Variants in A1CF observed in about 807,000 individuals in gnomAD.
A1CF encodes APOBEC-1 stimulating protein.
Under a neutral mutation model 68.9 loss-of-function variants are expected in A1CF, and 48 were observed. The observed-to-expected ratio is 0.70, with a 90% CI of 0.55 to 0.89. The LOEUF (loss-of-function observed/expected upper bound fraction) is 0.89, where lower values mean the gene tolerates loss of function less well. Ranked by LOEUF, A1CF falls within the 40% of genes least tolerant of loss-of-function variation. The pLI is 0.00. For synonymous variants in A1CF, 272 were observed against 260.4 expected (o/e 1.04, Z -0.43); for missense variants, 653 against 718.9 (o/e 0.91, Z 1.05).
At chr10:50,814,173 G>C in intron 9 of A1CF, 135 bp from the exon 10 acceptor site, 1 of 862,928 alleles carries the variant, frequency 1.2e-6, no homozygotes, top group Non-Finnish European at 1.8e-6. Flanking sequence ...CCTGAAGATG[G>C]GTGGGAGACT....
intron 7 of A1CF, among the ~76,000 whole-genome samples, chr10:50,825,174 G>A (rs1838857987): frequency 6.6e-6 from 1 of 152,140 alleles, no homozygotes; most frequent in African/African-American, 2.4e-5. Flanking sequence ...GGAAACAGAC[G>A]ATGTGAGTAT....
At chr10:50,815,426 GAAA>G (rs1838317594) in intron 9 of A1CF, among the ~76,000 whole-genome samples, 1 of 152,080 alleles carries the variant, frequency 6.6e-6, no homozygotes, top group South Asian at 2.1e-4. Context: ...ATGTATTAAA[GAAA>G]TATAGTAATG....
chr10:50,849,142 A>G (rs540505761), intron 3 of A1CF, among the ~76,000 whole-genome samples: 192 of 152,234 alleles, frequency 1.3e-3, no homozygotes, highest in African/African-American at 4.5e-3. Context: ...ATCCTCTTCA[A>G]TGTGATTTTA....
chr10:50,805,382 A>G lies in A1CF; in HGVS notation c.*1347T>C, dbSNP rs1837771647. 1 of 152,246 alleles carries G rather than the reference A, an allele frequency of 6.6e-6. No individual in the cohort carries two copies. The highest frequency in any genetic ancestry group is 1.5e-5 in the Non-Finnish European group (1 of 68,050). 9.4% of individuals were successfully genotyped at this position (152,246 alleles called of 1,614,324 possible). ...TGTTTGAACAAAGCAATCATTTACAAGTATGGCAAGAAAGTAGTGCCTTCT... is the reference window on the plus strand; with the variant it reads ...TGTTTGAACAAAGCAATCATTTACAGGTATGGCAAGAAAGTAGTGCCTTCT... On this transcript the variant is annotated 3_prime_UTR_variant, in exon 13 of 13. Transcript: ENST00000373997.
At chr10:50,829,948 T>A (rs531391125) in intron 6 of A1CF, among the ~76,000 whole-genome samples, 1 of 152,228 alleles carries the variant, frequency 6.6e-6, no homozygotes, top group Non-Finnish European at 1.5e-5. Flanking sequence ...TTGCATCTAT[T>A]TGTGGTATAC....
chr10:50,845,615 T>TCCCTTTGATA (rs1839962514), intron 3 of A1CF, among the ~76,000 whole-genome samples: 1 of 152,154 alleles, frequency 6.6e-6, no homozygotes. Context: ...TGCATTTTGC[T>TCCCTTTGATA]CCTTTGATAC....
chr10:50,814,120 T>C, intron 9 of A1CF, 82 bp from the exon 10 acceptor site: 3 of 1,520,428 alleles, frequency 2.0e-6, no homozygotes, highest in Non-Finnish European at 2.7e-6. Context: ...ACCCTGAATC[T>C]TACTGTAATG....
chr10:50,874,930 C>T (rs1341743442), intron 1 of A1CF, among the ~76,000 whole-genome samples: 1 of 152,176 alleles, frequency 6.6e-6, no homozygotes, highest in Non-Finnish European at 1.5e-5. Context: ...GATTCTGATT[C>T]AGCTGGTTTG....
rs7094591 is a variant in A1CF at position 50,829,247 on chromosome 10, G to T, written c.605-952C>A. ...TTGTTTTGTTTTGTTTTGTTTTTTG[G>T]TGACTCTGCTCCTATACCCCTACGC... On this transcript the variant is annotated intron_variant, in intron 6 of 12. Coordinates refer to ENST00000373997, the MANE Select transcript of A1CF (RefSeq NM_014576.4). 7.5e-3 allele frequency among the ~76,000 whole-genome samples: 1,131 copies of T among 151,712 alleles called. 22 individuals are homozygous for T. The highest frequency in any genetic ancestry group is 0.026 in the African/African-American group (1,075 of 41,452).
intron 10 of A1CF, among the ~76,000 whole-genome samples, chr10:50,813,155 A>G (rs915890267): frequency 7.9e-5 from 12 of 152,226 alleles, no homozygotes; most frequent in South Asian, 4.1e-4. Flanking sequence ...ACACTCCCAC[A>G]GGGAACAGTC....
At chr10:50,864,274 C>T (rs907821232) in intron 1 of A1CF, among the ~76,000 whole-genome samples, 194 bp from the exon 2 acceptor site, 1 of 152,128 alleles carries the variant, frequency 6.6e-6, no homozygotes, top group Non-Finnish European at 1.5e-5. Flanking sequence ...GAGAAAACAC[C>T]TGTGAAGCAT....
intron 1 of A1CF, among the ~76,000 whole-genome samples, chr10:50,871,028 TACCC>T (rs1207734777): frequency 1.3e-5 from 2 of 151,734 alleles, no homozygotes; most frequent in African/African-American, 4.8e-5. Context: ...TGAAAGTTAA[TACCC>T]AGTATTGGTT....
chr10:50,883,476 TAA>T (rs2132641831), intron 1 of A1CF, among the ~76,000 whole-genome samples: 1 of 152,326 alleles, frequency 6.6e-6, no homozygotes, highest in Admixed American at 6.5e-5. Flanking sequence ...TAATTAATTT[TAA>T]AAGTTTCTCA....
chr10:50,870,494 A>C (rs1046593633), intron 1 of A1CF, among the ~76,000 whole-genome samples: 3 of 151,910 alleles, frequency 2.0e-5, no homozygotes, highest in African/African-American at 7.2e-5. Flanking sequence ...ATAGACTTTT[A>C]AAAAAGAGAA....
rs1840667801 is a variant in A1CF, at chr10:50,859,935, T to C, written c.6A>G (p.Glu2=). 2.5e-6 allele frequency: 4 copies of C among 1,613,798 alleles called. No individual in the cohort carries two copies. The highest frequency in any genetic ancestry group is 1.1e-5 in the South Asian group (1 of 91,080). ...ATCCATCCCCGGATTTGTGATTTGA[T>C]TCCATTGAGAGTGATTATCAGCAAA... M[E]SNHKSGDGLS... The change falls in exon 3 of 13, where the codon GAA becomes GAG. Residue 2 remains glutamate, a synonymous_variant. Coordinates refer to ENST00000373997, the MANE Select transcript of A1CF (RefSeq NM_014576.4).
chr10:50,864,397 TC>T (rs1003084014), intron 1 of A1CF, among the ~76,000 whole-genome samples: 6 of 152,104 alleles, frequency 3.9e-5, no homozygotes, highest in Admixed American at 1.3e-4. Context: ...TATAATTTCC[TC>T]CCCTTTCCCT....
At chr10:50,816,978 G>A (rs1838403390) in intron 8 of A1CF, among the ~76,000 whole-genome samples, 1 of 152,208 alleles carries the variant, frequency 6.6e-6, no homozygotes, top group African/African-American at 2.4e-5. Flanking sequence ...GGGGTCAGGA[G>A]TAGTTGGGAG....
In A1CF at chr10:50,810,907, T is replaced by A. The variant is rs370433858; in HGVS notation, c.1460+133A>T. Reference sequence around the variant, plus strand: ...ATGGCTGGCACATCCCAACTACACATCTCAATATTTGCATTGAATGACAAA... The same window carrying A: ...ATGGCTGGCACATCCCAACTACACAACTCAATATTTGCATTGAATGACAAA... On this transcript the variant is annotated intron_variant, in intron 11 of 12. Transcript: ENST00000373997. 4.8e-4 allele frequency: 520 copies of A among 1,075,810 alleles called. 10 individuals carry two copies. In the South Asian group the frequency reaches 0.012, roughly 25 times the overall value. The allele number at this position is 1,075,810 out of a possible 1,614,324, so 66.6% of individuals were successfully genotyped here.
chr10:50,836,214 T>C lies in A1CF; in HGVS notation c.464A>G (p.Glu155Gly). ...AACACCTTCAGTAACCTTTTTCATC[T>C]CCGATAAGATTTCTTCTCTCTTTTT... ...KTKKREEILSEMKKVTEGVVD... is the reference protein window; with the variant it reads ...KTKKREEILSGMKKVTEGVVD... Residue 155 changes from glutamate to glycine, a missense_variant, in exon 6 of 13, where the codon GAG (glutamate) becomes GGG (glycine). Glu to Gly is a moderately conservative substitution (Grantham distance 98). Coordinates refer to ENST00000373997, the MANE Select transcript of A1CF (RefSeq NM_014576.4). 6.2e-7 allele frequency: 1 copy of C among 1,614,022 alleles called. No homozygotes were observed. The highest frequency in any genetic ancestry group is 8.5e-7 in the Non-Finnish European group (1 of 1,179,914).
Sources: gnomAD v4.1 joint callset for allele counts (sites outside exome capture counted in the v4.1 genomes callset) on GRCh38, gnomAD v4.1.1 for gene constraint, MANE v1.5 for transcripts, NCBI Gene and HGNC (gene_info 2026-07-23, HGNC 2026-07-21) for gene names.